ANK3: variants seen among roughly 807,000 people sequenced by gnomAD.
The protein encoded by ANK3 is ankyrin-3.
A neutral mutation model predicts 370.9 loss-of-function variants in ANK3; 57 were observed. That is an observed-to-expected ratio of 0.15 (90% CI 0.12 to 0.19). ANK3 has a LOEUF of 0.19. Among genes scored for constraint, ANK3 ranks in the 10% least tolerant of loss-of-function variants. ANK3 has a pLI of 1.00. For synonymous variants in ANK3, 1,929 were observed against 1,946.3 expected (o/e 0.99, Z 0.23); for missense variants, 4,439 against 5,302.1 (o/e 0.84, Z 5.06).
Position 60,074,367 on chromosome 10 carries a change from C to A in ANK3, c.6514G>T (p.Val2172Phe), listed in dbSNP as rs2083359695. The A allele has an allele frequency of 6.2e-7, 1 of 1,613,898 alleles. No individual in the cohort carries two copies. The highest frequency in any genetic ancestry group is 1.3e-5 in the African/African-American group (1 of 74,876). Residue 2172 changes from valine to phenylalanine, a missense_variant, in exon 37 of 44, where the codon GTT becomes TTT. Physicochemically the swap from Val to Phe is conservative, Grantham distance 50. Around this residue, in one of 13 missense-constraint regions of ANK3, gnomAD observed 1,601 missense variants for 1,731.7 expected, o/e 0.92. Coordinates refer to ENST00000280772, the MANE Select transcript of ANK3 (RefSeq NM_020987.5). ...ITETRTEVVH[V>F]IRSYDPSAGD... ...GCTGAGGGATCATAGCTCCTGATAA[C>A]ATGAACCACTTCAGTTCTTGTTTCT...
chr10:60,257,966 T>G (rs1401643640), intron 7 of ANK3, among the ~76,000 whole-genome samples: 3 of 152,212 alleles, frequency 2.0e-5, no homozygotes, highest in African/African-American at 7.2e-5. Context: ...TTAGATTAGG[T>G]GGTCCATTGT....
chr10:60,072,841 T>C lies in ANK3; in HGVS notation c.8040A>G (p.Gln2680=), dbSNP rs767416054. 6.2e-6 allele frequency: 10 copies of C among 1,614,112 alleles called. No homozygotes were observed. In the East Asian group the frequency reaches 2.2e-4, roughly 36 times the overall value. Residue 2680 remains glutamine (Q), a synonymous_variant, in exon 37 of 44, where the codon CAA becomes CAG. Transcript: ENST00000280772. ...CTGTGGACTTGCTGTCCTCAGTCTGTTGGGAGAGAACCATCTTCTCTGGGC... is the reference window on the plus strand; with the variant it reads ...CTGTGGACTTGCTGTCCTCAGTCTGCTGGGAGAGAACCATCTTCTCTGGGC... The part of the protein sequence containing the change: ...PSSPEKMVLS[Q]QTEDSKSTVE...
intron 2 of ANK3, among the ~76,000 whole-genome samples, chr10:60,430,263 A>G (rs2063986430): frequency 6.6e-6 from 1 of 152,204 alleles, no homozygotes; most frequent in South Asian, 2.1e-4. Context: ...GAATGTTTAG[A>G]CATAGGAGTG....
At chr10:60,562,995 A>G (rs79272017) in intron 2 of ANK3, among the ~76,000 whole-genome samples, 1 of 152,208 alleles carries the variant, frequency 6.6e-6, no homozygotes, top group African/African-American at 2.4e-5. Flanking sequence ...CAGAAAATAT[A>G]TACCAGAGTT....
rs1413098003 is a variant in ANK3 at position 60,395,551 on chromosome 10, T to TCTTTCTTTCTTC, written c.97-115913_97-115912insGAAGAAAGAAAG. On this transcript the variant is annotated intron_variant, in intron 2 of 43. Transcript: ENST00000373827. ...ACACTTAGCAATCAACTACTATGCC[T>TCTTTCTTTCTTC]CTTTCTTTCTTTCTTTCTTTCTTTC... is the stretch of plus-strand genomic sequence containing the variant. Among the ~76,000 whole-genome samples the TCTTTCTTTCTTC allele has an allele frequency of 2.0e-4, 5 of 25,214 alleles. No homozygotes were observed. In the East Asian group the frequency reaches 2.7e-3, roughly 13 times the overall value. The allele number at this position is 25,214 out of a possible 152,430, so 16.5% of individuals were successfully genotyped here. A position where few individuals can be genotyped will look rare whatever the true frequency, so the allele number is the denominator to read the frequency against.
rs115645172 is a variant in ANK3, at chr10:60,170,511, G to A, written c.2478+1797C>T. Among the ~76,000 whole-genome samples, 343 of 152,296 alleles carry A rather than the reference G, an allele frequency of 2.3e-3. 1 individual carries two copies. Among genetic ancestry groups the A allele is most frequent in the African/African-American group, 8.0e-3 (333 of 41,568 alleles). ...TAATGTACCAAATACCACAATGCTG[G>A]GCGAAGTTTTAGAGACTTCTCTGGA... On this transcript the variant is annotated intron_variant, in intron 21 of 43. Coordinates refer to ENST00000280772, the MANE Select transcript of ANK3 (RefSeq NM_020987.5).
At chr10:60,353,153 G>GTTTTTTT in intron 1 of ANK3, among the ~76,000 whole-genome samples, 1 of 135,866 alleles carries the variant, frequency 7.4e-6, no homozygotes, top group East Asian at 2.1e-4. Context: ...GCTAATTTTT[G>GTTTTTTT]TTTTGTTTTT....
At chr10:60,143,856 C>A (rs2094683815) in intron 23 of ANK3, among the ~76,000 whole-genome samples, 2 of 152,136 alleles carry the variant, frequency 1.3e-5, no homozygotes, top group Non-Finnish European at 2.9e-5. Context: ...GGAAGCCAGT[C>A]CCAATGTAAG....
intron 1 of ANK3, among the ~76,000 whole-genome samples, chr10:60,319,729 C>T (rs756814297): frequency 2.6e-5 from 4 of 152,198 alleles, no homozygotes; most frequent in Non-Finnish European, 5.9e-5. Flanking sequence ...GTGAAGACTT[C>T]TTTCTCTACT....
At chr10:60,468,350 T>C (rs1156296210) in intron 2 of ANK3, among the ~76,000 whole-genome samples, 1 of 152,124 alleles carries the variant, frequency 6.6e-6, no homozygotes, top group Non-Finnish European at 1.5e-5. Flanking sequence ...TCTATAAATG[T>C]GTGAAGAAAT....
At chr10:60,378,691 TA>T (rs1566935616) in intron 1 of ANK3, among the ~76,000 whole-genome samples, 1 of 151,920 alleles carries the variant, frequency 6.6e-6, no homozygotes. Context: ...TTACCCTACA[TA>T]AAAATCAGCT....
At position 60,190,748 on chromosome 10, in the gene ANK3, C is replaced by T. The variant is rs144409278; in HGVS notation, c.1888-3836G>A. Among the ~76,000 whole-genome samples, 172 of 152,226 alleles carry T rather than the reference C, an allele frequency of 1.1e-3. 2 individuals are homozygous for T. The East Asian group carries it at 0.025, about 22-fold the overall frequency. ...AGAAAAAGCAATCCTAAAATTCATA[C>T]GGAACCAAAAGGGAGCCCAAATAGC... is the stretch of plus-strand genomic sequence containing the variant. On this transcript the variant is annotated intron_variant, in intron 16 of 43. Transcript: ENST00000280772.
At chr10:60,299,421 G>A (rs1414337915) in intron 1 of ANK3, among the ~76,000 whole-genome samples, 1 of 152,104 alleles carries the variant, frequency 6.6e-6, no homozygotes, top group East Asian at 1.9e-4. Flanking sequence ...AAGCAACAAT[G>A]TCCTCATTTT....
chr10:60,496,118 T>A (rs537726580), intron 2 of ANK3, among the ~76,000 whole-genome samples: 4 of 152,102 alleles, frequency 2.6e-5, no homozygotes, highest in Non-Finnish European at 5.9e-5. Context: ...AAAAATAAAT[T>A]TTCTTTTCTC....
chr10:60,464,586 A>G (rs561955398), intron 2 of ANK3, among the ~76,000 whole-genome samples: 39 of 152,324 alleles, frequency 2.6e-4, no homozygotes, highest in African/African-American at 9.1e-4. Flanking sequence ...CTGAGAAACT[A>G]CTGTTTGTCA....
rs543498166 is a variant in ANK3 at position 60,652,806 on chromosome 10, C to T, written c.58-37582G>A. Among the ~76,000 whole-genome samples the T allele has an allele frequency of 1.8e-4, 28 of 151,526 alleles. No homozygotes were observed. In the South Asian group the frequency reaches 2.9e-3, roughly 16 times the overall value. On this transcript the variant is annotated intron_variant, in intron 1 of 43. Transcript: ENST00000373827. ...GTCGAAGCAGAGGCAGGATAAAGAACGAAACCAATATCAAAAACTATACTA... is the reference window on the plus strand; with the variant it reads ...GTCGAAGCAGAGGCAGGATAAAGAATGAAACCAATATCAAAAACTATACTA...
chr10:60,403,224 G>A (rs972632033), intron 2 of ANK3, among the ~76,000 whole-genome samples: 11 of 152,054 alleles, frequency 7.2e-5, no homozygotes, highest in Admixed American at 1.3e-4. Flanking sequence ...ATTACACAAA[G>A]AAAATTCCAC....
At chr10:60,417,745 C>T (rs2063698221) in intron 2 of ANK3, among the ~76,000 whole-genome samples, 1 of 152,068 alleles carries the variant, frequency 6.6e-6, no homozygotes, top group Admixed American at 6.5e-5. Context: ...TAAATCAGAT[C>T]CTACTCCCTA....
Position 60,075,881 on chromosome 10 carries a change from G to A in ANK3, c.5000C>T (p.Ala1667Val), listed in dbSNP as rs754807219. ...TAAAGGTGAAGATATTAGCGGTGCT[G>A]CTGATGTAATAATTGACTTAAATGG... ...SLPFKSIITS[A>V]APLISSPLKS... The change falls in exon 37 of 44, where the codon GCA becomes GTA. Residue 1667 changes from alanine to valine, a missense_variant. By Grantham distance (64) the Ala-to-Val change is moderately conservative. Coordinates refer to ENST00000280772, the MANE Select transcript of ANK3 (RefSeq NM_020987.5). The A allele has an allele frequency of 6.2e-7, 1 of 1,614,018 alleles. No individual in the cohort carries two copies. The highest frequency in any genetic ancestry group is 8.5e-7 in the Non-Finnish European group (1 of 1,180,020).
Sources: gnomAD v4.1 joint callset for allele counts (sites outside exome capture counted in the v4.1 genomes callset) on GRCh38, gnomAD v4.1.1 for gene constraint, gnomAD v4.1.1 regional missense constraint, MANE v1.5 for transcripts, NCBI Gene and HGNC (gene_info 2026-07-23, HGNC 2026-07-21) for gene names.